PCMT1: variants seen among roughly 807,000 people sequenced by gnomAD.
PCMT1 encodes the protein protein-L-isoaspartate(D-aspartate) O-methyltransferase.
A neutral mutation model predicts 29.2 loss-of-function variants in PCMT1; 9 were observed. The ratio of observed to expected loss-of-function variants is 0.31; its 90% CI spans 0.19 to 0.54. The LOEUF (loss-of-function observed/expected upper bound fraction) is 0.54, where lower values mean the gene tolerates loss of function less well. Among genes scored for constraint, PCMT1 ranks in the 20% least tolerant of loss-of-function variants. The pLI, the probability that PCMT1 is intolerant of heterozygous loss-of-function variation, is 0.95. For synonymous variants in PCMT1, 98 were observed against 97.5 expected (o/e 1.00, Z -0.03); for missense variants, 184 against 282.2 (o/e 0.65, Z 2.49).
At chr6:149,752,224 T>G (rs1786351842) in intron 1 of PCMT1, among the ~76,000 whole-genome samples, 4 of 149,498 alleles carry the variant, frequency 2.7e-5, no homozygotes, top group Admixed American at 6.7e-5. Context: ...TGAGACAGAG[T>G]TTTGCTCTTG....
At chr6:149,767,239 G>A (rs1364906101) in intron 1 of PCMT1, among the ~76,000 whole-genome samples, 2 of 145,756 alleles carry the variant, frequency 1.4e-5, no homozygotes, top group South Asian at 2.2e-4. Flanking sequence ...ATTCATGTTG[G>A]GTATATCAGT....
intron 4 of PCMT1, among the ~76,000 whole-genome samples, 169 bp downstream of exon 4, chr6:149,790,227 T>G (rs1042973221): frequency 3.3e-5 from 5 of 152,228 alleles, no homozygotes; most frequent in Non-Finnish European, 7.3e-5. Context: ...TGACAGAACA[T>G]GCAACCCAAA....
intron 3 of PCMT1, among the ~76,000 whole-genome samples, chr6:149,775,267 AAGC>A (rs1345341470): frequency 5.3e-5 from 8 of 152,204 alleles, no homozygotes; most frequent in Admixed American, 2.0e-4. Flanking sequence ...TAGAAGAAAA[AAGC>A]AGACATTTAT....
intron 1 of PCMT1, among the ~76,000 whole-genome samples, chr6:149,759,621 A>G (rs1786661399): frequency 6.6e-6 from 1 of 152,018 alleles, no homozygotes; most frequent in African/African-American, 2.4e-5. Context: ...CAGCCTCCCA[A>G]GTAGCAGAGA....
intron 6 of PCMT1, among the ~76,000 whole-genome samples, chr6:149,801,008 C>G (rs1475588618): frequency 6.6e-6 from 1 of 152,180 alleles, no homozygotes; most frequent in Non-Finnish European, 1.5e-5. Flanking sequence ...GACACAGTCC[C>G]CATCCTCAAG....
intron 3 of PCMT1, among the ~76,000 whole-genome samples, chr6:149,789,059 G>T (rs1788240030): frequency 7.0e-6 from 1 of 143,226 alleles, no homozygotes; most frequent in African/African-American, 2.6e-5. Context: ...TACTGCTATT[G>T]GATCTGATTT....
intron 3 of PCMT1, among the ~76,000 whole-genome samples, chr6:149,787,813 CCT>C (rs1329333194): frequency 2.3e-5 from 3 of 131,474 alleles, no homozygotes; most frequent in East Asian, 2.5e-4. Context: ...CCCTTTATCC[CCT>C]CTCTCCTCTG....
At chr6:149,791,085 C>A (rs1788350359) in intron 4 of PCMT1, among the ~76,000 whole-genome samples, 1 of 152,126 alleles carries the variant, frequency 6.6e-6, no homozygotes, top group African/African-American at 2.4e-5. Flanking sequence ...AATTCTACTT[C>A]CTTGTACAGG....
At chr6:149,783,546 T>G (rs1239113983) in intron 3 of PCMT1, among the ~76,000 whole-genome samples, 14 of 152,276 alleles carry the variant, frequency 9.2e-5, no homozygotes, top group Admixed American at 2.6e-4. Context: ...GGTCCAATAT[T>G]ATATACTTCT....
intron 3 of PCMT1, among the ~76,000 whole-genome samples, chr6:149,780,928 G>A (rs191066047): frequency 1.4e-4 from 21 of 152,250 alleles, no homozygotes; most frequent in Non-Finnish European, 2.5e-4. Flanking sequence ...TGGCCAAACC[G>A]TTTTTCAAAG....
chr6:149,767,099 C>T (rs1787116785), intron 1 of PCMT1, among the ~76,000 whole-genome samples: 1 of 152,060 alleles, frequency 6.6e-6, no homozygotes. Context: ...ATCCCAGCTA[C>T]TTGGGAGGCT....
chr6:149,785,921 G>A (rs1225403447), intron 3 of PCMT1, among the ~76,000 whole-genome samples: 2 of 151,936 alleles, frequency 1.3e-5, no homozygotes, highest in East Asian at 1.9e-4. Context: ...TGAGCTGTTG[G>A]GCACACCTCC....
intron 3 of PCMT1, among the ~76,000 whole-genome samples, chr6:149,779,066 GC>G (rs960863832): frequency 3.9e-5 from 6 of 152,044 alleles, no homozygotes; most frequent in African/African-American, 9.7e-5. Flanking sequence ...CTGGTGCGGG[GC>G]CCGGGTTGAG....
intron 1 of PCMT1, among the ~76,000 whole-genome samples, chr6:149,769,308 CTTTT>C (rs372773939): frequency 6.0e-4 from 43 of 71,540 alleles, no homozygotes; most frequent in Admixed American, 2.7e-3. Context: ...GTGCAGGATT[CTTTT>C]TTTTTTTTTT....
chr6:149,752,110 C>T (rs955016994), intron 1 of PCMT1, among the ~76,000 whole-genome samples: 1 of 146,232 alleles, frequency 6.8e-6, no homozygotes, highest in African/African-American at 2.5e-5. Flanking sequence ...AACTCCTGGA[C>T]TCAAGCAATT....
At chr6:149,769,062 A>G (rs1230074957) in intron 1 of PCMT1, among the ~76,000 whole-genome samples, 1 of 152,136 alleles carries the variant, frequency 6.6e-6, no homozygotes, top group Non-Finnish European at 1.5e-5. Context: ...CTTAGAGTAT[A>G]GTTTTAAATA....
intron 1 of PCMT1, among the ~76,000 whole-genome samples, chr6:149,761,727 G>C (rs1438085454): frequency 6.6e-6 from 1 of 152,076 alleles, no homozygotes; most frequent in Non-Finnish European, 1.5e-5. Context: ...CATCTACTTG[G>C]TAAGAAAGGG....
Position 149,762,995 on chromosome 6 carries a change from A to ATATGATATATATATCTATGATATC in PCMT1, c.56-8144_56-8143insCTATGATATATATATCTATGATAT, listed in dbSNP as rs1554251817. Among the ~76,000 whole-genome samples, 57 of 59,856 alleles carry ATATGATATATATATCTATGATATC rather than the reference A, an allele frequency of 9.5e-4. 12 individuals carry two copies. The highest frequency in any genetic ancestry group is 2.7e-3 in the Admixed American group (9 of 3,390). 39.3% of individuals were successfully genotyped at this position (59,856 alleles called of 152,430 possible). ...TATATGATATATATATCTATGATATATATGATATATATATCTATGATATAT... is the reference window on the plus strand; with the variant it reads ...TATATGATATATATATCTATGATATATATGATATATATATCTATGATATCTATGATATATATATCTATGATATAT... On this transcript the variant is annotated intron_variant, in intron 1 of 7. Coordinates refer to ENST00000464889, the MANE Select transcript of PCMT1 (RefSeq NM_001360452.2).
chr6:149,800,742 A>G (rs914351736), intron 6 of PCMT1, among the ~76,000 whole-genome samples: 2 of 152,092 alleles, frequency 1.3e-5, no homozygotes, highest in African/African-American at 4.8e-5. Flanking sequence ...GGGTTCCCTT[A>G]TCCCTTCAGT....
Sources: gnomAD v4.1 joint callset for allele counts (sites outside exome capture counted in the v4.1 genomes callset) on GRCh38, gnomAD v4.1.1 for gene constraint, MANE v1.5 for transcripts, NCBI Gene and HGNC (gene_info 2026-07-23, HGNC 2026-07-21) for gene names.